Variants in EIF4E2 observed in about 807,000 individuals in gnomAD.
EIF4E2 encodes eukaryotic translation initiation factor 4E type 2.
In EIF4E2, 13 loss-of-function variants were observed where a neutral mutation model predicts 34.2. The ratio of observed to expected loss-of-function variants is 0.38; its 90% CI spans 0.25 to 0.60. The LOEUF is 0.60. Ranked by LOEUF, EIF4E2 falls within the 20% of genes least tolerant of loss-of-function variation. The pLI is 0.62. For synonymous variants in EIF4E2, 100 were observed against 106.6 expected (o/e 0.94, Z 0.38); for missense variants, 222 against 315.1 (o/e 0.70, Z 2.24).
downstream of EIF4E2, among the ~76,000 whole-genome samples, chr2:232,569,590 A>G (rs1013930724): frequency 2.0e-5 from 3 of 152,080 alleles, no homozygotes; most frequent in Admixed American, 1.3e-4. Context: ...CTTCAAAGAA[A>G]TCTCTTGCTT....
downstream of EIF4E2, chr2:232,573,925 T>C (rs1693151097): frequency 1.5e-5 from 7 of 463,752 alleles, no homozygotes; most frequent in East Asian, 9.7e-5. Context: ...CCACTGTAAA[T>C]TGGAAGTGTT....
At chr2:232,558,199 C>A in intron 3 of EIF4E2, 181 bp downstream of exon 3, 1 of 642,972 alleles carries the variant, frequency 1.6e-6, no homozygotes, top group South Asian at 2.4e-5. Context: ...CCATGGTTAG[C>A]ATGTAGGTAT....
chr2:232,563,920 G>A (rs1692818661), intron 3 of EIF4E2, among the ~76,000 whole-genome samples: 1 of 152,190 alleles, frequency 6.6e-6, no homozygotes, highest in Admixed American at 6.5e-5. Flanking sequence ...TACTGCATGT[G>A]ATGACTACCC....
At position 232,580,084 on chromosome 2, in the gene EIF4E2, C is replaced by CCACACACACACACA. The variant is rs6147227; in HGVS notation, c.666-784_666-771dup. ...CATATTGGGATCCCCCACATACATACCACACACACACACACACACACACAC... is the reference window on the plus strand; with the variant it reads ...CATATTGGGATCCCCCACATACATACCACACACACACACACACACACACACACACACACACACAC... On this transcript the variant is annotated intron_variant, in intron 6 of 6. Coordinates refer to the EIF4E2 transcript ENST00000409098. Among the ~76,000 whole-genome samples the CCACACACACACACA allele has an allele frequency of 1.5e-3, 214 of 145,264 alleles. 1 individual carries two copies. The highest frequency in any genetic ancestry group is 2.7e-3 in the Admixed American group (39 of 14,240).
At chr2:232,551,706 T>C (rs1254748362) in intron 1 of EIF4E2, among the ~76,000 whole-genome samples, 1 of 152,220 alleles carries the variant, frequency 6.6e-6, no homozygotes, top group Non-Finnish European at 1.5e-5. Flanking sequence ...TGAACATTGC[T>C]AACTATTGCG....
At chr2:232,563,389 T>G (rs1456115764) in intron 3 of EIF4E2, among the ~76,000 whole-genome samples, 1 of 151,500 alleles carries the variant, frequency 6.6e-6, no homozygotes, top group Non-Finnish European at 1.5e-5. Context: ...GTCTCTTTTT[T>G]TTTTCTTTTT....
At chr2:232,574,874 T>C (rs1484742807) in intron 6 of EIF4E2, among the ~76,000 whole-genome samples, 1 of 152,218 alleles carries the variant, frequency 6.6e-6, no homozygotes, top group African/African-American at 2.4e-5. Flanking sequence ...AGCTGTACTT[T>C]CACTAGACCA....
At chr2:232,567,243 T>A in intron 6 of EIF4E2, 29 bp downstream of exon 6, 1 of 1,613,536 alleles carries the variant, frequency 6.2e-7, no homozygotes, top group African/African-American at 1.3e-5. Flanking sequence ...TGGGAGGACG[T>A]GTCCCTAAGC....
At chr2:232,571,659 A>G (rs1398814067), downstream of EIF4E2, among the ~76,000 whole-genome samples, 1 of 152,154 alleles carries the variant, frequency 6.6e-6, no homozygotes, top group Non-Finnish European at 1.5e-5. Flanking sequence ...CCTTTATCTC[A>G]GAGAAGAGAC....
chr2:232,579,759 A>T (rs1693301829), intron 6 of EIF4E2, among the ~76,000 whole-genome samples: 1 of 152,184 alleles, frequency 6.6e-6, no homozygotes, highest in Non-Finnish European at 1.5e-5. Context: ...TCAAGAGTTC[A>T]AGACCAACCT....
chr2:232,583,483 A>G (rs1382016227), exon 7 of EIF4E2: 2 of 151,406 alleles, frequency 1.3e-5, no homozygotes, highest in Non-Finnish European at 2.9e-5. Flanking sequence ...AGTGGCAATA[A>G]TTTTCCACCC....
At chr2:232,572,980 T>C (rs1693128827), downstream of EIF4E2, among the ~76,000 whole-genome samples, 2 of 152,232 alleles carry the variant, frequency 1.3e-5, no homozygotes, top group South Asian at 2.1e-4. Context: ...TGCCAAAGCA[T>C]TGGATTTTGC....
At chr2:232,562,740 C>G (rs1333559807) in intron 3 of EIF4E2, among the ~76,000 whole-genome samples, 1 of 152,232 alleles carries the variant, frequency 6.6e-6, no homozygotes, top group East Asian at 1.9e-4. Flanking sequence ...CAATGAGCCA[C>G]TAGTGGGTGT....
At chr2:232,552,209 T>G (rs1047138317) in intron 1 of EIF4E2, among the ~76,000 whole-genome samples, 2 of 152,104 alleles carry the variant, frequency 1.3e-5, no homozygotes, top group African/African-American at 4.8e-5. Context: ...TAGGTATTTT[T>G]CATATATATA....
chr2:232,553,357 A>G (rs1003887140), intron 1 of EIF4E2, among the ~76,000 whole-genome samples: 2 of 152,196 alleles, frequency 1.3e-5, no homozygotes, highest in African/African-American at 4.8e-5. Context: ...ATTCCTAACT[A>G]TTGTCTAAAC....
At chr2:232,556,711 C>T (rs759070278) in intron 2 of EIF4E2, 181 bp downstream of exon 2, 8 of 559,938 alleles carry the variant, frequency 1.4e-5, no homozygotes, top group African/African-American at 5.7e-5. Flanking sequence ...TAGAACTTTT[C>T]TCTTGCCACA....
intron 6 of EIF4E2, among the ~76,000 whole-genome samples, chr2:232,576,030 C>T (rs1460078600): frequency 6.6e-6 from 1 of 152,012 alleles, no homozygotes; most frequent in Non-Finnish European, 1.5e-5. Flanking sequence ...ATGGTGAAAC[C>T]CCGTCTCTAC....
chr2:232,568,381 G>A, intron 6 of EIF4E2: 2 of 985,398 alleles, frequency 2.0e-6, no homozygotes, highest in Non-Finnish European at 1.2e-6. Flanking sequence ...TCATAGTCAC[G>A]AACAGTTATT....
At chr2:232,571,747 C>G (rs1693096617), downstream of EIF4E2, among the ~76,000 whole-genome samples, 1 of 152,222 alleles carries the variant, frequency 6.6e-6, no homozygotes, top group African/African-American at 2.4e-5. Flanking sequence ...AAGGACCAAC[C>G]CATTCCCTTC....
Sources: gnomAD v4.1 joint callset for allele counts (sites outside exome capture counted in the v4.1 genomes callset) on GRCh38, gnomAD v4.1.1 for gene constraint, MANE v1.5 for transcripts, NCBI Gene and HGNC (gene_info 2026-07-23, HGNC 2026-07-21) for gene names.